Variants in CACNA2D2 observed in about 807,000 individuals in gnomAD.
CACNA2D2 encodes voltage-dependent calcium channel subunit alpha-2/delta-2.
Under a neutral mutation model 166.4 loss-of-function variants are expected in CACNA2D2, and 48 were observed. The ratio of observed to expected loss-of-function variants is 0.29; its 90% CI spans 0.23 to 0.37. The LOEUF (loss-of-function observed/expected upper bound fraction) is 0.37, where lower values mean the gene tolerates loss of function less well. CACNA2D2 is among the 10% of genes least tolerant of loss of function. The pLI, the probability that CACNA2D2 is intolerant of heterozygous loss-of-function variation, is 1.00. For missense variants in CACNA2D2, 1,122 were observed against 1,433.0 expected, an observed-to-expected ratio of 0.78 and a Z score of 3.50; for synonymous variants, 561 against 573.7, an observed-to-expected ratio of 0.98 and a Z score of 0.32.
Position 50,384,311 on chromosome 3 carries a change from T to C in CACNA2D2, c.537A>G (p.Glu179=). 1 of 1,614,112 alleles carries C rather than the reference T, an allele frequency of 6.2e-7. No homozygotes were observed. The highest frequency in any genetic ancestry group is 8.5e-7 in the Non-Finnish European group (1 of 1,179,990). Residue 179 remains glutamate (E), a synonymous_variant, in exon 6 of 38, where the codon GAA becomes GAG. Coordinates refer to ENST00000424201, the MANE Select transcript of CACNA2D2 (RefSeq NM_006030.4). The part of the protein sequence containing the change: ...ELDDPESEDV[E]RGSKASTLRL... ...TTAGGGTGCTGGCCTTAGACCCCCTTTCCACATCCTCACTCTCAGGGTCGT... is the reference window on the plus strand; with the variant it reads ...TTAGGGTGCTGGCCTTAGACCCCCTCTCCACATCCTCACTCTCAGGGTCGT...
Position 50,377,806 on chromosome 3 carries a change from G to T in CACNA2D2, c.1480-3C>A. The T allele has an allele frequency of 6.2e-7, 1 of 1,611,818 alleles. No individual in the cohort carries two copies. Among genetic ancestry groups the T allele is most frequent in the Non-Finnish European group, 8.5e-7 (1 of 1,178,818 alleles). On this transcript the variant is annotated splice_polypyrimidine_tract_variant and splice_region_variant and intron_variant, in intron 15 of 37. Coordinates refer to ENST00000424201, the MANE Select transcript of CACNA2D2 (RefSeq NM_006030.4). Reference sequence around the variant, plus strand: ...CCTGTTACCACCAACCCCAGTCCCTGAAGGGAGAGGAAGATGATGGAGTCA... The same window carrying T: ...CCTGTTACCACCAACCCCAGTCCCTTAAGGGAGAGGAAGATGATGGAGTCA...
rs200094871 is a variant in CACNA2D2, at chr3:50,367,909, C to T, written c.2144-7G>A. ...TGCAGAAGGAAGTTGTTGCCTGGAACAGGAGGGGAGGGGTGGGGGTGGGGG... is the reference window on the plus strand; with the variant it reads ...TGCAGAAGGAAGTTGTTGCCTGGAATAGGAGGGGAGGGGTGGGGGTGGGGG... On this transcript the variant is annotated splice_polypyrimidine_tract_variant and splice_region_variant and intron_variant, in intron 24 of 37. Transcript: ENST00000424201. This position sits in a 1 kb window ranked among gnomAD's most constrained non-coding sequence, Gnocchi z 6.5. The T allele has an allele frequency of 1.3e-6, 1 of 749,794 alleles. No individual in the cohort carries two copies. Among genetic ancestry groups the T allele is most frequent in the Admixed American group, 2.3e-5 (1 of 42,596 alleles). 46.4% of individuals were successfully genotyped at this position (749,794 alleles called of 1,614,324 possible).
At chr3:50,453,924 C>T (rs41308226) in intron 2 of CACNA2D2, among the ~76,000 whole-genome samples, 3,474 of 152,104 alleles carry the variant, frequency 0.023, 64 homozygotes, top group Non-Finnish European at 0.032. Context: ...GTGAAGGTCA[C>T]GGTGGACACG....
At chr3:50,414,992 G>A (rs981708497) in intron 3 of CACNA2D2, among the ~76,000 whole-genome samples, 1 of 152,216 alleles carries the variant, frequency 6.6e-6, no homozygotes, top group African/African-American at 2.4e-5. Flanking sequence ...GAGGAGGAGG[G>A]AAAGCCAGCC....
chr3:50,494,585 G>A (rs905226248), intron 1 of CACNA2D2, among the ~76,000 whole-genome samples: 3 of 152,120 alleles, frequency 2.0e-5, no homozygotes, highest in African/African-American at 4.8e-5. Context: ...AGGAGTTGGG[G>A]CCTCACACCA....
rs762801319 is a variant in CACNA2D2 at position 50,394,106 on chromosome 3, T to C, written c.465+3A>G. The C allele has an allele frequency of 2.5e-6, 4 of 1,613,850 alleles. No individual in the cohort carries two copies. The highest frequency in any genetic ancestry group is 2.7e-5 in the African/African-American group (2 of 74,918). ...GTGCTGGGCAGGGTGCTGGGGTTCC[T>C]ACCTTGATGTTGTCCTGCCAGCGGT... is the stretch of plus-strand genomic sequence containing the variant. On this transcript the variant is annotated splice_donor_region_variant and intron_variant, in intron 4 of 37. Coordinates refer to ENST00000424201, the MANE Select transcript of CACNA2D2 (RefSeq NM_006030.4).
At chr3:50,382,102 T>C (rs150490998) in intron 6 of CACNA2D2, among the ~76,000 whole-genome samples, 1 of 152,058 alleles carries the variant, frequency 6.6e-6, no homozygotes, top group East Asian at 1.9e-4. Context: ...GTTTGAGCAG[T>C]ACCCTCGACC....
At chr3:50,385,179 T>G (rs1705527205) in intron 5 of CACNA2D2, among the ~76,000 whole-genome samples, 1 of 150,374 alleles carries the variant, frequency 6.7e-6, no homozygotes, top group Non-Finnish European at 1.5e-5. Flanking sequence ...GGTGCAGGTG[T>G]GCAAGGGGGA....
chr3:50,390,920 G>A (rs1299226233), intron 4 of CACNA2D2, among the ~76,000 whole-genome samples: 1 of 152,234 alleles, frequency 6.6e-6, no homozygotes, highest in East Asian at 1.9e-4. Flanking sequence ...CCAGCTGCCT[G>A]TGCAGGCCTA....
In CACNA2D2 at chr3:50,365,627, A is replaced by G. The variant is rs370683787; in HGVS notation, c.2971+6T>C. Reference sequence around the variant, plus strand: ...CTTGAGGAGGCGCCTCCAAAGCCCTACCTACCTGCTTGGAACCAGCTGTGG... The same window carrying G: ...CTTGAGGAGGCGCCTCCAAAGCCCTGCCTACCTGCTTGGAACCAGCTGTGG... On this transcript the variant is annotated splice_donor_region_variant and intron_variant, in intron 34 of 37. Coordinates refer to ENST00000424201, the MANE Select transcript of CACNA2D2 (RefSeq NM_006030.4). The surrounding 1 kb of genome is among the most constrained non-coding windows in gnomAD (Gnocchi z 4.5). 2.3e-5 allele frequency: 36 copies of G among 1,575,386 alleles called. No individual in the cohort carries two copies. The highest frequency in any genetic ancestry group is 4.0e-5 in the African/African-American group (3 of 74,430).
intron 2 of CACNA2D2, among the ~76,000 whole-genome samples, chr3:50,460,580 C>T (rs1274089702): frequency 2.0e-5 from 3 of 152,116 alleles, no homozygotes; most frequent in Non-Finnish European, 2.9e-5. Context: ...TCCGGCTGGG[C>T]GTGGTGGCTC....
rs58208345 is a variant in CACNA2D2 at position 50,435,134 on chromosome 3, G to GGT, written c.289-707_289-706dup. Among the ~76,000 whole-genome samples the GGT allele has an allele frequency of 2.2e-3, 324 of 149,718 alleles. 2 individuals are homozygous for GGT. Among genetic ancestry groups the GGT allele is most frequent in the South Asian group, 5.7e-3 (27 of 4,706 alleles). ...GTGCATGTGGCAGTGTAAATCTGAGGGTGTGTGTGTGTGTGTGTGTGAGGG... is the reference window on the plus strand; with the variant it reads ...GTGCATGTGGCAGTGTAAATCTGAGGGTGTGTGTGTGTGTGTGTGTGTGAGGG... On this transcript the variant is annotated intron_variant, in intron 2 of 37. Transcript: ENST00000424201.
chr3:50,429,091 A>C (rs1707937200), intron 3 of CACNA2D2, among the ~76,000 whole-genome samples: 1 of 152,176 alleles, frequency 6.6e-6, no homozygotes, highest in Non-Finnish European at 1.5e-5. Context: ...ATAGCCAGGC[A>C]TGGTGACACA....
At chr3:50,502,223 G>A (rs1699000867) in intron 1 of CACNA2D2, among the ~76,000 whole-genome samples, 1 of 152,172 alleles carries the variant, frequency 6.6e-6, no homozygotes, top group Non-Finnish European at 1.5e-5. Context: ...CCAGTCTCCA[G>A]GCCAGGACAC....
In CACNA2D2 at chr3:50,476,929, CT is replaced by C. The variant is rs61469495; in HGVS notation, c.207-731del. The stretch of plus-strand genomic sequence containing the variant: ...CTGGGATTGCTCTTTGTTTCTTTTT[CT>C]TTTTTTTTTTTTTTTTTGAGACAGA... On this transcript the variant is annotated intron_variant, in intron 1 of 37. Transcript: ENST00000424201. 9.9e-3 allele frequency among the ~76,000 whole-genome samples: 1,340 copies of C among 135,200 alleles called. 13 individuals are homozygous for C. The highest frequency in any genetic ancestry group is 0.047 in the East Asian group (218 of 4,618). 88.7% of individuals were successfully genotyped at this position (135,200 alleles called of 152,430 possible). A position where few individuals can be genotyped will look rare whatever the true frequency, so the allele number is the denominator to read the frequency against.
chr3:50,400,062 C>T (rs1706365269), intron 3 of CACNA2D2, among the ~76,000 whole-genome samples: 1 of 152,206 alleles, frequency 6.6e-6, no homozygotes, highest in Non-Finnish European at 1.5e-5. Flanking sequence ...GTGTATTGTG[C>T]ACAGATAGAT....
At chr3:50,448,694 G>A (rs1025060645) in intron 2 of CACNA2D2, among the ~76,000 whole-genome samples, 8 of 152,074 alleles carry the variant, frequency 5.3e-5, no homozygotes, top group Non-Finnish European at 1.0e-4. Flanking sequence ...AGGTCTCAGG[G>A]AACATCTGTG....
At chr3:50,413,124 T>TGCTGCC (rs764066737) in intron 3 of CACNA2D2, among the ~76,000 whole-genome samples, 3 of 152,156 alleles carry the variant, frequency 2.0e-5, no homozygotes, top group Admixed American at 6.5e-5. Context: ...ACCCAGCTGC[T>TGCTGCC]GCTGCCGCTG....
At chr3:50,478,167 T>G (rs1697882137) in intron 1 of CACNA2D2, among the ~76,000 whole-genome samples, 2 of 151,962 alleles carry the variant, frequency 1.3e-5, no homozygotes, top group Admixed American at 6.6e-5. Flanking sequence ...TAACCCTGAG[T>G]GCGGGTGGAG....
Sources: allele counts gnomAD v4.1 joint callset (sites outside exome capture counted in the v4.1 genomes callset), GRCh38; gene constraint gnomAD v4.1.1; non-coding constraint Gnocchi (gnomAD v3.1); transcripts MANE v1.5; gene names NCBI Gene and HGNC (gene_info 2026-07-23, HGNC 2026-07-21).